The following CDYL variants were observed in gnomAD, a reference collection of about 807,000 sequenced individuals.
CDYL encodes chromodomain Y like, also known as chromodomain Y-like protein.
In CDYL, 8 loss-of-function variants were observed where a neutral mutation model predicts 47.3. That is an observed-to-expected ratio of 0.17 (90% CI 0.10 to 0.31). The LOEUF is 0.31. Among genes scored for constraint, CDYL ranks in the 10% least tolerant of loss-of-function variants. CDYL has a pLI of 1.00. For missense variants in CDYL, 471 were observed against 701.4 expected (o/e 0.67, Z 3.71); for synonymous variants, 266 against 265.0 (o/e 1.00, Z -0.04).
chr6:4,951,964 A>G (rs1214576512), intron 5 of CDYL, among the ~76,000 whole-genome samples: 1 of 152,140 alleles, frequency 6.6e-6, no homozygotes, highest in Non-Finnish European at 1.5e-5. Flanking sequence ...TGGCAAAAAG[A>G]CCTTTTCTAT....
chr6:4,902,319 T>G (rs1173850015), intron 2 of CDYL, among the ~76,000 whole-genome samples: 2 of 149,856 alleles, frequency 1.3e-5, no homozygotes, highest in African/African-American at 2.5e-5. Context: ...GGCAGGAGAA[T>G]CGCTTGAACC....
Position 4,935,522 on chromosome 6 carries a change from T to A in CDYL, c.699T>A (p.Ser233=). The part of the protein sequence containing the change: ...TGLAVNGKGT[S]PFMDALTANG... Reference sequence around the variant, plus strand: ...ATTTCAAACTCTCGGCAGGTACATCTCCGTTCATGGATGCATTAACAGCCA... The same window carrying A: ...ATTTCAAACTCTCGGCAGGTACATCACCGTTCATGGATGCATTAACAGCCA... The change falls in exon 3 of 7, where the codon TCT becomes TCA. Residue 233 remains serine (S), a synonymous_variant. Coordinates refer to ENST00000397588, the MANE Select transcript of CDYL (RefSeq NM_004824.4). The A allele has an allele frequency of 1.2e-6, 2 of 1,614,112 alleles. No homozygotes were observed. The highest frequency in any genetic ancestry group is 1.7e-6 in the Non-Finnish European group (2 of 1,179,944).
chr6:4,870,569 C>G (rs994907207), intron 1 of CDYL, among the ~76,000 whole-genome samples: 1 of 152,060 alleles, frequency 6.6e-6, no homozygotes, highest in East Asian at 1.9e-4. Context: ...ATATTTTTAG[C>G]CATTATTTCT....
intron 1 of CDYL, among the ~76,000 whole-genome samples, chr6:4,836,925 A>T (rs1168403401): frequency 6.6e-6 from 1 of 152,180 alleles, no homozygotes; most frequent in Non-Finnish European, 1.5e-5. Flanking sequence ...GTGCCCTGGA[A>T]TGGAGTGATG....
Position 4,892,042 on chromosome 6 carries a change from G to T in CDYL, c.354G>T (p.Lys118Asn). The stretch of plus-strand genomic sequence containing the variant: ...GCCAGCTGTTTGCTGCCAGCCAGAA[G>T]TTCAGGAAGAACACAGCTCCATCTC... ...KNSQLFAASQKFRKNTAPSLS... is the reference protein window; with the variant it reads ...KNSQLFAASQNFRKNTAPSLS... Residue 118 changes from lysine (K) to asparagine (N), a missense_variant, in exon 2 of 7, where the codon AAG becomes AAT. Lys to Asn is a moderately conservative substitution (Grantham distance 94, BLOSUM62 0). Coordinates refer to ENST00000397588, the MANE Select transcript of CDYL (RefSeq NM_004824.4). 1 of 1,614,198 alleles carries T rather than the reference G, an allele frequency of 6.2e-7. No individual in the cohort carries two copies. The highest frequency in any genetic ancestry group is 8.5e-7 in the Non-Finnish European group (1 of 1,180,030).
At chr6:4,713,623 C>G (rs138207633) in intron 1 of CDYL, among the ~76,000 whole-genome samples, 104 of 144,834 alleles carry the variant, frequency 7.2e-4, no homozygotes, top group African/African-American at 2.6e-3. Context: ...AATCTTGCTG[C>G]GTTGCCCAGG....
At chr6:4,872,324 CTTT>C (rs56242830) in intron 1 of CDYL, among the ~76,000 whole-genome samples, 10,459 of 121,654 alleles carry the variant, frequency 0.086, 389 homozygotes, top group Non-Finnish European at 0.11. Context: ...TTTGATTTGG[CTTT>C]TTTTTTTTTT....
At chr6:4,778,258 G>C (rs1478208468) in intron 1 of CDYL, among the ~76,000 whole-genome samples, 2 of 152,178 alleles carry the variant, frequency 1.3e-5, no homozygotes, top group African/African-American at 4.8e-5. Context: ...TGGTTGTTTA[G>C]TCATGAGTGT....
Position 4,776,747 on chromosome 6 carries a change from G to T in CDYL, c.-37G>T. 4 of 490,988 alleles carry T rather than the reference G, an allele frequency of 8.1e-6. No homozygotes were observed. The highest frequency in any genetic ancestry group is 8.8e-6 in the Non-Finnish European group (3 of 340,104). The allele number at this position is 490,988 out of a possible 1,614,324, so 30.4% of individuals were successfully genotyped here. ...GCCGCCCGGCGCCGGCGCCCGCCCC[G>T]ACCCTGCCCCTCCCGCCCGCAACTC... On this transcript the variant is annotated 5_prime_UTR_variant, in exon 1 of 7. Coordinates refer to ENST00000397588, the MANE Select transcript of CDYL (RefSeq NM_004824.4).
In CDYL at chr6:4,902,581, T is replaced by G. The variant is rs1403450894; in HGVS notation, c.691+10202T>G. Among the ~76,000 whole-genome samples the G allele has an allele frequency of 3.9e-5, 6 of 152,294 alleles. No individual in the cohort carries two copies. In the South Asian group the frequency reaches 8.3e-4, roughly 21 times the overall value. On this transcript the variant is annotated intron_variant, in intron 2 of 6. Coordinates refer to ENST00000397588, the MANE Select transcript of CDYL (RefSeq NM_004824.4). ...ACTGAGCTGTGCCCAGCTCTGTACT[T>G]CCTCTTTTTGAATAGGTGTTCTTCC...
At chr6:4,749,796 T>G (rs1757959166) in intron 3 of CDYL, among the ~76,000 whole-genome samples, 1 of 152,236 alleles carries the variant, frequency 6.6e-6, no homozygotes, top group African/African-American at 2.4e-5. Context: ...TTCTTGCAGA[T>G]AAGCTGTAAG....
intron 1 of CDYL, among the ~76,000 whole-genome samples, chr6:4,840,370 C>T (rs982497890): frequency 2.6e-5 from 4 of 152,120 alleles, no homozygotes; most frequent in Non-Finnish European, 5.9e-5. Context: ...GTTTGACTTC[C>T]TCTTTACTGA....
At chr6:4,879,806 C>T (rs1262872872) in intron 1 of CDYL, among the ~76,000 whole-genome samples, 2 of 151,988 alleles carry the variant, frequency 1.3e-5, no homozygotes, top group African/African-American at 4.8e-5. Context: ...ATGATCTGCC[C>T]GCCTCGGCCT....
At chr6:4,777,446 C>T (rs58544878) in intron 1 of CDYL, among the ~76,000 whole-genome samples, 1 of 152,070 alleles carries the variant, frequency 6.6e-6, no homozygotes, top group Admixed American at 6.5e-5. Flanking sequence ...ACTGTAAGTT[C>T]TGGTCGATGG....
intron 2 of CDYL, among the ~76,000 whole-genome samples, chr6:4,898,798 A>G (rs1015278137): frequency 3.3e-5 from 5 of 152,230 alleles, no homozygotes; most frequent in African/African-American, 9.6e-5. Context: ...CATGCACACC[A>G]TAATGATTTT....
intron 2 of CDYL, among the ~76,000 whole-genome samples, chr6:4,901,247 G>T (rs542079121): frequency 1.3e-5 from 2 of 151,814 alleles, no homozygotes; most frequent in Admixed American, 6.6e-5. Flanking sequence ...AAGGACAAAG[G>T]GGGGGAAATC....
chr6:4,948,315 G>A (rs1479052591), intron 5 of CDYL, among the ~76,000 whole-genome samples: 4 of 152,172 alleles, frequency 2.6e-5, no homozygotes, highest in African/African-American at 9.7e-5. Flanking sequence ...TTTGGAAGTG[G>A]AGCCCTGGAG....
In CDYL at chr6:4,894,999, G is replaced by A. The variant is rs897001368; in HGVS notation, c.691+2620G>A. On this transcript the variant is annotated intron_variant, in intron 2 of 6. Transcript: ENST00000397588. ...TGTGTATGCATATGTGTATACTTGT[G>A]TGTATGTTTATACATATATGTATGT... 1.7e-3 allele frequency among the ~76,000 whole-genome samples: 256 copies of A among 151,354 alleles called. 1 individual carries two copies. Among genetic ancestry groups the A allele is most frequent in the African/African-American group, 5.6e-3 (231 of 41,254 alleles).
intron 2 of CDYL, among the ~76,000 whole-genome samples, chr6:4,933,173 C>G (rs931218137): frequency 6.6e-6 from 1 of 152,250 alleles, no homozygotes; most frequent in Non-Finnish European, 1.5e-5. Flanking sequence ...CAGGCTCACT[C>G]TCTGTCTCAG....
Sources: gnomAD v4.1 joint callset for allele counts (sites outside exome capture counted in the v4.1 genomes callset) on GRCh38, gnomAD v4.1.1 for gene constraint, MANE v1.5 for transcripts, NCBI Gene and HGNC (gene_info 2026-07-23, HGNC 2026-07-21) for gene names.